The following MSI2 variants were observed in gnomAD, a reference collection of about 807,000 sequenced individuals.
The protein encoded by MSI2 is RNA-binding protein Musashi homolog 2.
A neutral mutation model predicts 45.6 loss-of-function variants in MSI2; 17 were observed. The ratio of observed to expected loss-of-function variants is 0.37; its 90% CI spans 0.26 to 0.56. The LOEUF (loss-of-function observed/expected upper bound fraction) is 0.56, where lower values mean the gene tolerates loss of function less well. MSI2 is among the 20% of genes least tolerant of loss of function. The probability of loss-of-function intolerance (pLI) is 0.77; values close to 1 mark genes in which losing one functional copy is unlikely to be tolerated. For synonymous variants in MSI2, 156 were observed against 158.2 expected, an observed-to-expected ratio of 0.99 and a Z score of 0.11; for missense variants, 293 against 444.2, an observed-to-expected ratio of 0.66 and a Z score of 3.06.
intron 5 of MSI2, among the ~76,000 whole-genome samples, chr17:57,363,775 ACAACAACAACAACAAC>A (rs1567781573): frequency 3.5e-5 from 4 of 112,996 alleles, no homozygotes. Flanking sequence ...ACAACAACAA[ACAACAACAACAACAAC>A]AAACAACAAC....
chr17:57,695,246 C>T, the MSI2 span, among the ~76,000 whole-genome samples: 3 of 152,100 alleles, frequency 2.0e-5, no homozygotes, highest in South Asian at 4.2e-4. Context: ...TGGAAGGGGG[C>T]GGAATATTGG....
At chr17:57,559,752 T>C (rs2087527652) in intron 7 of MSI2, among the ~76,000 whole-genome samples, 1 of 152,252 alleles carries the variant, frequency 6.6e-6, no homozygotes, top group Non-Finnish European at 1.5e-5. Flanking sequence ...TTTTTCCAGC[T>C]TCTGCTCAGA....
chr17:57,590,388 G>C (rs959221614), intron 7 of MSI2, among the ~76,000 whole-genome samples: 1 of 152,084 alleles, frequency 6.6e-6, no homozygotes, highest in Non-Finnish European at 1.5e-5. Context: ...TTAATTTTGA[G>C]GTATCTCGTT....
intron 5 of MSI2, among the ~76,000 whole-genome samples, chr17:57,269,353 A>C (rs1261551495): frequency 6.6e-6 from 1 of 152,122 alleles, no homozygotes; most frequent in Non-Finnish European, 1.5e-5. Flanking sequence ...TGCCCTGTGG[A>C]ATGTTCTGAG....
At position 57,332,612 on chromosome 17, in the gene MSI2, A is replaced by G. The variant is rs1428039654; in HGVS notation, c.313-68767A>G. Among the ~76,000 whole-genome samples, 3 of 152,266 alleles carry G rather than the reference A, an allele frequency of 2.0e-5. No individual in the cohort carries two copies. The East Asian group carries it at 5.8e-4, about 29-fold the overall frequency. ...ACTGGGTTAAGAATACTTTAAAAAC[A>G]AACACACAATGAAAGAGAAAGAGCA... On this transcript the variant is annotated intron_variant, in intron 5 of 13. Transcript: ENST00000284073.
intron 6 of MSI2, among the ~76,000 whole-genome samples, chr17:57,467,259 G>T (rs1233343283): frequency 6.6e-6 from 1 of 152,254 alleles, no homozygotes; most frequent in Non-Finnish European, 1.5e-5. Flanking sequence ...CCTGAGGCCA[G>T]GAGTCTGGCT....
rs534587148 is a variant in MSI2, at chr17:57,321,279, C to T, written c.312+59087C>T. 1.5e-3 allele frequency among the ~76,000 whole-genome samples: 227 copies of T among 151,976 alleles called. No individual in the cohort carries two copies. The Middle Eastern group carries it at 0.02, about 14-fold the overall frequency. On this transcript the variant is annotated intron_variant, in intron 5 of 13. Coordinates refer to ENST00000284073, the MANE Select transcript of MSI2 (RefSeq NM_138962.4). ...CCGCGGCTTCCAGGCCCAATCTCTC[C>T]GTTGTTACTGTGCACCACCAAGCAG...
intron 7 of MSI2, among the ~76,000 whole-genome samples, chr17:57,545,998 G>A (rs1336519906): frequency 3.3e-5 from 5 of 152,176 alleles, no homozygotes; most frequent in Non-Finnish European, 5.9e-5. Context: ...TTATCATCCC[G>A]TCAGGGCTCG....
intron 6 of MSI2, among the ~76,000 whole-genome samples, chr17:57,466,324 C>A (rs532594126): frequency 1.9e-4 from 29 of 152,360 alleles, no homozygotes; most frequent in Admixed American, 7.8e-4. Context: ...AACCTGGCCT[C>A]TCCCAGGCCC....
At chr17:57,579,202 C>T (rs2144356681) in intron 7 of MSI2, among the ~76,000 whole-genome samples, 1 of 152,256 alleles carries the variant, frequency 6.6e-6, no homozygotes, top group African/African-American at 2.4e-5. Flanking sequence ...AGGATGACAG[C>T]TGAGGTTCCT....
chr17:57,576,269 C>T (rs548877189), intron 7 of MSI2, among the ~76,000 whole-genome samples: 2 of 152,162 alleles, frequency 1.3e-5, no homozygotes, highest in Non-Finnish European at 2.9e-5. Context: ...ACATTCTAGC[C>T]GTGGAGAATG....
At chr17:57,311,018 T>TG (rs1255935249) in intron 5 of MSI2, among the ~76,000 whole-genome samples, 1 of 152,256 alleles carries the variant, frequency 6.6e-6, no homozygotes, top group Non-Finnish European at 1.5e-5. Flanking sequence ...AACGTTGTTG[T>TG]GAGGATCTGA....
chr17:57,594,500 G>A (rs1342813588), intron 7 of MSI2, among the ~76,000 whole-genome samples: 2 of 152,138 alleles, frequency 1.3e-5, no homozygotes, highest in Non-Finnish European at 2.9e-5. Context: ...TTAAAGGAGC[G>A]CTTGAGGAAC....
the MSI2 span, among the ~76,000 whole-genome samples, chr17:57,696,616 T>G: frequency 2.3e-4 from 35 of 152,078 alleles, no homozygotes; most frequent in Non-Finnish European, 7.4e-5. Flanking sequence ...GTGCCTGTAA[T>G]TCCAGCTGCT....
In MSI2 at chr17:57,549,905, C is replaced by G. The variant is rs369818423; in HGVS notation, c.454+20181C>G. Among the ~76,000 whole-genome samples the G allele has an allele frequency of 3.6e-4, 55 of 152,212 alleles. No homozygotes were observed. In the South Asian group the frequency reaches 0.011, roughly 30 times the overall value. On this transcript the variant is annotated intron_variant, in intron 7 of 13. Coordinates refer to ENST00000284073, the MANE Select transcript of MSI2 (RefSeq NM_138962.4). ...GTTCAAGAGAGGCTTGGAGATGGTC[C>G]CTTTTTGGAGCAACCTCTGACTGCA...
intron 8 of MSI2, among the ~76,000 whole-genome samples, chr17:57,607,486 A>C (rs753450671): frequency 3.9e-5 from 6 of 152,216 alleles, no homozygotes; most frequent in Non-Finnish European, 8.8e-5. Context: ...GAACAAGGAA[A>C]GTTATCATTT....
chr17:57,445,853 A>G (rs1015422336), intron 6 of MSI2, among the ~76,000 whole-genome samples: 1 of 152,072 alleles, frequency 6.6e-6, no homozygotes, highest in African/African-American at 2.4e-5. Context: ...CATTTTTCAG[A>G]ATATGGAACG....
At chr17:57,313,798 CA>C (rs1274657807) in intron 5 of MSI2, among the ~76,000 whole-genome samples, 1 of 152,190 alleles carries the variant, frequency 6.6e-6, no homozygotes, top group East Asian at 1.9e-4. Flanking sequence ...CTTGAGCTCA[CA>C]AGCTGTTGGT....
intron 8 of MSI2, among the ~76,000 whole-genome samples, chr17:57,602,614 A>G (rs1032401802): frequency 2.6e-5 from 4 of 152,048 alleles, no homozygotes; most frequent in Non-Finnish European, 5.9e-5. Context: ...CTCTGCCTCC[A>G]AAAGTGCTGG....
Sources: gnomAD v4.1 joint callset for allele counts (sites outside exome capture counted in the v4.1 genomes callset) on GRCh38, gnomAD v4.1.1 for gene constraint, MANE v1.5 for transcripts, NCBI Gene and HGNC (gene_info 2026-07-23, HGNC 2026-07-21) for gene names.